DTNBP1: variants seen among roughly 807,000 people sequenced by gnomAD.
DTNBP1 encodes dystrobrevin binding protein 1, also known as dysbindin.
In DTNBP1, 35 loss-of-function variants were observed where a neutral mutation model predicts 42.8. The observed-to-expected ratio is 0.82, with a 90% CI of 0.63 to 1.09. DTNBP1 has a LOEUF of 1.09. Among genes scored for constraint, DTNBP1 ranks in the 50% least tolerant of loss-of-function variants. The pLI, the probability that DTNBP1 is intolerant of heterozygous loss-of-function variation, is 0.00. For missense variants in DTNBP1, 457 were observed against 424.2 expected, an observed-to-expected ratio of 1.08 and a Z score of -0.68; for synonymous variants, 171 against 162.2, an observed-to-expected ratio of 1.05 and a Z score of -0.41.
At chr6:15,533,661 G>T in intron 7 of DTNBP1, 1 of 597,564 alleles carries the variant, frequency 1.7e-6, no homozygotes, top group South Asian at 1.5e-5. Context: ...CTTCCCACCC[G>T]CATCGCCCAT....
chr6:15,523,020 A>AGT lies in DTNBP1; in HGVS notation c.1009_1010dup (p.Asp338LeufsTer48), dbSNP rs775316429. On this transcript the variant is annotated frameshift_variant, in exon 10 of 10. Coordinates refer to ENST00000344537, the MANE Select transcript of DTNBP1 (RefSeq NM_032122.5). LOFTEE classifies it high-confidence loss of function. ...CACCATCCGGAGTGGCCTCTCTGTC[A>AGT]GTGTGTGATGTGGCCAGGGCAGTGT... is the stretch of plus-strand genomic sequence containing the variant. 1 of 1,614,192 alleles carries AGT rather than the reference A, an allele frequency of 6.2e-7. No homozygotes were observed. Among genetic ancestry groups the AGT allele is most frequent in the South Asian group, 1.1e-5 (1 of 91,086 alleles).
intron 7 of DTNBP1, among the ~76,000 whole-genome samples, chr6:15,542,391 T>A (rs1318232166): frequency 6.6e-6 from 1 of 152,168 alleles, no homozygotes; most frequent in South Asian, 2.1e-4. Flanking sequence ...TTGTTTTTTT[T>A]AGACGGAATC....
At chr6:15,586,018 T>A (rs987818613) in intron 7 of DTNBP1, 9 of 1,236,892 alleles carry the variant, frequency 7.3e-6, no homozygotes, top group Non-Finnish European at 8.1e-6. Flanking sequence ...TGTGCAAAGA[T>A]GTATGCACCG....
At chr6:15,585,889 G>A in intron 7 of DTNBP1, 1 of 1,427,668 alleles carries the variant, frequency 7.0e-7, no homozygotes, top group Non-Finnish European at 9.2e-7. Context: ...GAAGCCAGAA[G>A]CAGGTTTTTC....
intron 9 of DTNBP1, 58 bp downstream of exon 9, chr6:15,524,468 G>A (rs1772208247): frequency 1.2e-6 from 2 of 1,613,616 alleles, no homozygotes; most frequent in African/African-American, 1.3e-5. Context: ...TCTCACCTTT[G>A]GAGGGGAGTG....
intron 3 of DTNBP1, among the ~76,000 whole-genome samples, chr6:15,643,130 T>C (rs1485890831): frequency 6.6e-6 from 1 of 152,212 alleles, no homozygotes; most frequent in African/African-American, 2.4e-5. Context: ...ATAGAACTGC[T>C]TGAATTCTAA....
chr6:15,546,222 C>G (rs1014547749), intron 7 of DTNBP1, among the ~76,000 whole-genome samples: 2 of 151,956 alleles, frequency 1.3e-5, no homozygotes, highest in South Asian at 2.1e-4. Context: ...CGTACCACCA[C>G]GCCCAACTAC....
chr6:15,595,830 C>G (rs760540666), intron 6 of DTNBP1, among the ~76,000 whole-genome samples: 1 of 152,182 alleles, frequency 6.6e-6, no homozygotes, highest in Non-Finnish European at 1.5e-5. Context: ...TGTCCTGGAG[C>G]AAATACTTCA....
At chr6:15,531,674 G>C (rs904108605) in intron 8 of DTNBP1, among the ~76,000 whole-genome samples, 1 of 151,884 alleles carries the variant, frequency 6.6e-6, no homozygotes, top group East Asian at 1.9e-4. Context: ...TTGCTCTGTC[G>C]CCAGGCTGGA....
At chr6:15,653,909 TA>T (rs34031519) in intron 1 of DTNBP1, among the ~76,000 whole-genome samples, 38,198 of 152,102 alleles carry the variant, frequency 0.25, 5,559 homozygotes, top group African/African-American at 0.4. Flanking sequence ...ATGCCTCAAC[TA>T]ATGCATGGTA....
chr6:15,615,340 AT>A lies in DTNBP1; in HGVS notation c.414del (p.Leu138PhefsTer7). 6.2e-7 allele frequency: 1 copy of A among 1,614,158 alleles called. No individual in the cohort carries two copies. The highest frequency in any genetic ancestry group is 8.5e-7 in the Non-Finnish European group (1 of 1,180,022). ...VENNLLHLED[L>X]CGQCELERCK... is the part of the protein sequence containing the mutation. ...CATCTTTCTAATTCACACTGCCCAC[AT>A]AAGTCTTCCAGATGCAGCAGGTTGT... On this transcript the variant is annotated frameshift_variant, in exon 6 of 10. Coordinates refer to ENST00000344537, the MANE Select transcript of DTNBP1 (RefSeq NM_032122.5). LOFTEE classifies it high-confidence loss of function.
chr6:15,615,373 C>T lies in DTNBP1; in HGVS notation c.382G>A (p.Val128Ile). ...TCCAGATGCAGCAGGTTGTTCTCTA[C>T]CTCCTCAAAACTCGCCTCTAAATGA... Reference protein sequence around the residue: ...LTHLEASFEEVENNLLHLEDL... With the variant: ...LTHLEASFEEIENNLLHLEDL... Residue 128 changes from valine (V) to isoleucine (I), a missense_variant, in exon 6 of 10, where the codon GTA becomes ATA. Transcript: ENST00000344537. 1 of 1,614,070 alleles carries T rather than the reference C, an allele frequency of 6.2e-7. No individual in the cohort carries two copies. The highest frequency in any genetic ancestry group is 1.3e-5 in the African/African-American group (1 of 75,034).
At chr6:15,650,329 C>CT (rs1760917115) in intron 3 of DTNBP1, among the ~76,000 whole-genome samples, 1 of 152,112 alleles carries the variant, frequency 6.6e-6, no homozygotes, top group Non-Finnish European at 1.5e-5. Flanking sequence ...CTGGAGTGCA[C>CT]TGGCACGATC....
At chr6:15,569,761 T>C (rs1775262048) in intron 7 of DTNBP1, among the ~76,000 whole-genome samples, 1 of 152,234 alleles carries the variant, frequency 6.6e-6, no homozygotes, top group Admixed American at 6.5e-5. Context: ...TAGTTTCTTC[T>C]GCATAGAAAT....
intron 7 of DTNBP1, among the ~76,000 whole-genome samples, chr6:15,577,911 T>C (rs573745269): frequency 1.1e-4 from 16 of 151,946 alleles, no homozygotes; most frequent in Admixed American, 5.2e-4. Flanking sequence ...TTCCAAGATA[T>C]TGTAGCCAAC....
Position 15,646,745 on chromosome 6 carries a change from G to A in DTNBP1, c.161+4568C>T, listed in dbSNP as rs565425244. 4.6e-5 allele frequency among the ~76,000 whole-genome samples: 7 copies of A among 151,890 alleles called. No homozygotes were observed. In the South Asian group the frequency reaches 1.0e-3, roughly 22 times the overall value. Reference sequence around the variant, plus strand: ...CTACAACTAACTGATCTTCAGCAACGTCAACAAAAATAAACAATGGGGAAA... The same window carrying A: ...CTACAACTAACTGATCTTCAGCAACATCAACAAAAATAAACAATGGGGAAA... On this transcript the variant is annotated intron_variant, in intron 3 of 9. Transcript: ENST00000344537.
chr6:15,652,256 A>G, intron 1 of DTNBP1, 116 bp from the exon 2 acceptor site: 2 of 735,748 alleles, frequency 2.7e-6, no homozygotes, highest in South Asian at 4.2e-5. Flanking sequence ...TACATTACTC[A>G]CTGCAGCCTC....
At chr6:15,566,740 G>A (rs1393711040) in intron 7 of DTNBP1, among the ~76,000 whole-genome samples, 5 of 129,310 alleles carry the variant, frequency 3.9e-5, no homozygotes, top group South Asian at 2.3e-4. Context: ...TCTCTCTATC[G>A]TTCAGGATTG....
intron 6 of DTNBP1, among the ~76,000 whole-genome samples, chr6:15,601,247 T>C (rs755669613): frequency 5.9e-5 from 9 of 152,208 alleles, no homozygotes; most frequent in Non-Finnish European, 1.3e-4. Context: ...CTAACAATGT[T>C]TTCATATTAT....
Sources: allele counts gnomAD v4.1 joint callset (sites outside exome capture counted in the v4.1 genomes callset), GRCh38; gene constraint gnomAD v4.1.1; transcripts MANE v1.5; gene names NCBI Gene and HGNC (gene_info 2026-07-23, HGNC 2026-07-21).